NRROS: variants seen among roughly 807,000 people sequenced by gnomAD.
NRROS encodes the protein transforming growth factor beta activator LRRC33.
NRROS carries 6 observed loss-of-function variants against 12.0 expected under a neutral mutation model. The observed-to-expected ratio is 0.50, with a 90% CI of 0.27 to 0.98. The LOEUF (loss-of-function observed/expected upper bound fraction) is 0.98. Ranked by LOEUF, NRROS falls within the 50% of genes least tolerant of loss-of-function variation. The probability of loss-of-function intolerance (pLI) is 0.11; values close to 1 mark genes in which losing one functional copy is unlikely to be tolerated. For missense variants in NRROS, 857 were observed against 888.2 expected (o/e 0.96, Z 0.45); for synonymous variants, 462 against 410.2 (o/e 1.13, Z -1.53).
chr3:196,645,276 A>G (rs1400724593), intron 1 of NRROS, among the ~76,000 whole-genome samples: 1 of 152,176 alleles, frequency 6.6e-6, no homozygotes, highest in African/African-American at 2.4e-5. Context: ...TTTCCCACAG[A>G]GGACAGAGCG....
chr3:196,640,821 G>C (rs981196539), intron 1 of NRROS, among the ~76,000 whole-genome samples: 1 of 152,178 alleles, frequency 6.6e-6, no homozygotes, highest in Non-Finnish European at 1.5e-5. Flanking sequence ...AGGGCTGGTC[G>C]GGGCTGCTGT....
chr3:196,647,452 T>C (rs558736109), intron 1 of NRROS, among the ~76,000 whole-genome samples: 5 of 152,262 alleles, frequency 3.3e-5, no homozygotes, highest in African/African-American at 1.2e-4. Flanking sequence ...ATGTTTGTTG[T>C]TCTAATCCTC....
At position 196,660,983 on chromosome 3, in the gene NRROS, C is replaced by G. The variant is rs747340474; in HGVS notation, c.1340C>G (p.Ser447Trp). 3.0e-5 allele frequency: 48 copies of G among 1,614,052 alleles called. No individual in the cohort carries two copies. The Admixed American group carries it at 3.2e-4, about 11-fold the overall frequency. The change falls in exon 3 of 3, where the codon TCG becomes TGG. Residue 447 changes from serine to tryptophan, a missense_variant. Ser to Trp is a radical substitution (Grantham distance 177). Coordinates refer to ENST00000328557, the MANE Select transcript of NRROS (RefSeq NM_198565.3). The surrounding 1 kb of genome is among the most constrained non-coding windows in gnomAD (Gnocchi z 7.7). ...QISLCPLPAA[S>W]DRVGPPSCVD... The stretch of plus-strand genomic sequence containing the variant: ...TCACTTTGTCCCCTGCCAGCTGCCT[C>G]GGACCGGGTGGGCCCCCCTAGCTGT...
intron 2 of NRROS, among the ~76,000 whole-genome samples, chr3:196,657,042 A>G (rs922641009): frequency 2.6e-5 from 4 of 151,936 alleles, no homozygotes; most frequent in African/African-American, 9.7e-5. Flanking sequence ...CGTCTCTACT[A>G]AAAATACAAA....
intron 1 of NRROS, among the ~76,000 whole-genome samples, chr3:196,651,997 C>T (rs1386050693): frequency 2.0e-5 from 3 of 152,144 alleles, no homozygotes; most frequent in African/African-American, 7.2e-5. Context: ...CAGGTGACAG[C>T]AGAGTTTGAG....
Position 196,654,843 on chromosome 3 carries a change from A to G in NRROS, c.108+196A>G. 1 of 561,896 alleles carries G rather than the reference A, an allele frequency of 1.8e-6. No individual in the cohort carries two copies. The allele number at this position is 561,896 out of a possible 1,614,324, so 34.8% of individuals were successfully genotyped here. ...TTTAAGATGCTTCCTGGGAAGAGCC[A>G]GGCAGTCCCTGCCCCGCCGTTCTCA... On this transcript the variant is annotated intron_variant, in intron 2 of 2. Coordinates refer to ENST00000328557, the MANE Select transcript of NRROS (RefSeq NM_198565.3). This position sits in a 1 kb window ranked among gnomAD's most constrained non-coding sequence, Gnocchi z 4.4.
Position 196,661,335 on chromosome 3 carries a change from T to A in NRROS, c.1692T>A (p.Asp564Glu). 6.3e-7 allele frequency: 1 copy of A among 1,592,270 alleles called. No homozygotes were observed. The highest frequency in any genetic ancestry group is 8.6e-7 in the Non-Finnish European group (1 of 1,168,966). ...FGGSLALETLDLRRNSLTALP... is the reference protein window; with the variant it reads ...FGGSLALETLELRRNSLTALP... ...GCAGCCTGGCCCTGGAGACCCTGGA[T>A]CTCCGTAGAAACTCGCTCACAGCCC... Residue 564 changes from aspartate (D) to glutamate (E), a missense_variant, in exon 3 of 3, where the codon GAT becomes GAA. Coordinates refer to ENST00000328557, the MANE Select transcript of NRROS (RefSeq NM_198565.3).
Position 196,661,158 on chromosome 3 carries a change from A to G in NRROS, c.1515A>G (p.Pro505=), listed in dbSNP as rs772418670. The G allele has an allele frequency of 3.1e-6, 5 of 1,611,874 alleles. No individual in the cohort carries two copies. The highest frequency in any genetic ancestry group is 1.7e-5 in the Admixed American group (1 of 59,850). The change falls in exon 3 of 3, where the codon CCA becomes CCG. Residue 505 remains proline, a synonymous_variant. Transcript: ENST00000328557. The part of the protein sequence containing the change: ...NWGVLNGSLA[P]LQDVAPMLQV... Reference sequence around the variant, plus strand: ...GGGTTCTGAATGGGAGCCTCGCCCCACTCCAGGATGTTGCCCCCATGTTAC... The same window carrying G: ...GGGTTCTGAATGGGAGCCTCGCCCCGCTCCAGGATGTTGCCCCCATGTTAC...
rs746858195 is a variant in NRROS, at chr3:196,659,808, C to T, written c.165C>T (p.Leu55=). ...GQSLASVPSS[L]PPHARMLTLD... ...GCCTCGCTTCGGTGCCCAGCAGCCT[C>T]CCGCCCCACGCCCGGATGCTCACCC... Residue 55 remains leucine (L), a synonymous_variant, in exon 3 of 3, where the codon CTC becomes CTT. Transcript: ENST00000328557. 12 of 1,613,778 alleles carry T rather than the reference C, an allele frequency of 7.4e-6. No homozygotes were observed. The highest frequency in any genetic ancestry group is 4.0e-5 in the African/African-American group (3 of 74,918).
At chr3:196,658,595 T>C (rs1298137879) in intron 2 of NRROS, among the ~76,000 whole-genome samples, 1 of 152,188 alleles carries the variant, frequency 6.6e-6, no homozygotes, top group Admixed American at 6.5e-5. Flanking sequence ...GAACCCACAA[T>C]TGTAGGCAAC....
Position 196,654,579 on chromosome 3 carries a change from T to G in NRROS, c.40T>G (p.Phe14Val), listed in dbSNP as rs1203579007. 1 of 1,614,134 alleles carries G rather than the reference T, an allele frequency of 6.2e-7. No individual in the cohort carries two copies. Residue 14 changes from phenylalanine to valine, a missense_variant, in exon 2 of 3, where the codon TTC becomes GTC. Transcript: ENST00000328557. This position sits in a 1 kb window ranked among gnomAD's most constrained non-coding sequence, Gnocchi z 4.4. ...LPLWLCLGFH[F>V]LTVGWRNRSG... Reference sequence around the variant, plus strand: ...TCTTTGGCTCTGCCTGGGTTTTCACTTCCTGACCGTGGGCTGGAGGAACAG... The same window carrying G: ...TCTTTGGCTCTGCCTGGGTTTTCACGTCCTGACCGTGGGCTGGAGGAACAG...
chr3:196,655,474 G>A (rs1737517912), intron 2 of NRROS, among the ~76,000 whole-genome samples: 1 of 152,112 alleles, frequency 6.6e-6, no homozygotes, highest in Non-Finnish European at 1.5e-5. Flanking sequence ...GACGGAGGTT[G>A]CAGTGAGCCG....
chr3:196,649,337 C>G (rs1737367722), intron 1 of NRROS, among the ~76,000 whole-genome samples: 1 of 152,216 alleles, frequency 6.6e-6, no homozygotes, highest in Non-Finnish European at 1.5e-5. Flanking sequence ...GGCAGACTCC[C>G]TTTCTTGTGG....
chr3:196,646,422 C>T (rs1456377586), intron 1 of NRROS, among the ~76,000 whole-genome samples: 1 of 152,206 alleles, frequency 6.6e-6, no homozygotes, highest in Non-Finnish European at 1.5e-5. Context: ...GAGGACCTAC[C>T]ACCAGCCACC....
In NRROS at chr3:196,661,895, G is replaced by A. The variant is rs1197804104; in HGVS notation, c.*173G>A. On this transcript the variant is annotated 3_prime_UTR_variant, in exon 3 of 3. Transcript: ENST00000328557. ...CACCCCCGCCCCCACCACCGCCCAA[G>A]TTCTTTTTCCATCATTATAATTCAT... 8.8e-6 allele frequency: 3 copies of A among 340,142 alleles called. No individual in the cohort carries two copies. The highest frequency in any genetic ancestry group is 1.4e-5 in the Non-Finnish European group (3 of 213,430). 21.1% of individuals were successfully genotyped at this position (340,142 alleles called of 1,614,324 possible).
Position 196,660,609 on chromosome 3 carries a change from C to A in NRROS, c.966C>A (p.Phe322Leu). ...NITTVSLWEE[F>L]SSSDLADLRF... Reference sequence around the variant, plus strand: ...CCACCGTCAGCCTCTGGGAAGAATTCTCCTCCAGCGACCTCGCAGATCTCC... The same window carrying A: ...CCACCGTCAGCCTCTGGGAAGAATTATCCTCCAGCGACCTCGCAGATCTCC... Residue 322 changes from phenylalanine (F) to leucine (L), a missense_variant, in exon 3 of 3, where the codon TTC becomes TTA. Phe to Leu is a conservative substitution (Grantham distance 22). Transcript: ENST00000328557. The surrounding 1 kb of genome is among the most constrained non-coding windows in gnomAD (Gnocchi z 7.7). 6.2e-7 allele frequency: 1 copy of A among 1,614,194 alleles called. No homozygotes were observed. The highest frequency in any genetic ancestry group is 8.5e-7 in the Non-Finnish European group (1 of 1,180,028).
rs1452668609 is a variant in NRROS at position 196,659,991 on chromosome 3, C to G, written c.348C>G (p.Cys116Trp). The change falls in exon 3 of 3, where the codon TGC becomes TGG. Residue 116 changes from cysteine to tryptophan, a missense_variant. Physicochemically the swap from Cys to Trp is radical, Grantham distance 215 (BLOSUM62 -2). Transcript: ENST00000328557. ...GCAGCCTGGTCCTGGGGGACAACTG[C>G]CTCTCAGAGAACTACGAAGAGACGG... ...HLRSLVLGDN[C>W]LSENYEETAA... is the part of the protein sequence containing the mutation. 1.2e-6 allele frequency: 2 copies of G among 1,613,738 alleles called. No individual in the cohort carries two copies. Among genetic ancestry groups the G allele is most frequent in the Admixed American group, 3.3e-5 (2 of 60,020 alleles).
intron 2 of NRROS, among the ~76,000 whole-genome samples, chr3:196,658,860 C>T (rs1737595675): frequency 6.6e-6 from 1 of 152,094 alleles, no homozygotes; most frequent in Non-Finnish European, 1.5e-5. Context: ...ATCCCAGCTA[C>T]TCGGGAGGCT....
At chr3:196,653,724 T>C (rs2108640095) in intron 1 of NRROS, among the ~76,000 whole-genome samples, 1 of 152,346 alleles carries the variant, frequency 6.6e-6, no homozygotes, top group Non-Finnish European at 1.5e-5. Flanking sequence ...GAGTAGTATC[T>C]CTGGGCCTTT....
Sources: gnomAD v4.1 joint callset for allele counts (sites outside exome capture counted in the v4.1 genomes callset) on GRCh38, gnomAD v4.1.1 for gene constraint, Gnocchi (gnomAD v3.1) non-coding constraint, MANE v1.5 for transcripts, NCBI Gene and HGNC (gene_info 2026-07-23, HGNC 2026-07-21) for gene names.